Variants in SULF2 observed in about 807,000 individuals in gnomAD.
SULF2 encodes sulfatase 2.
SULF2 carries 52 observed loss-of-function variants against 107.7 expected under a neutral mutation model. That is an observed-to-expected ratio of 0.48 (90% CI 0.39 to 0.61). SULF2 has a LOEUF of 0.61. Among genes scored for constraint, SULF2 ranks in the 20% least tolerant of loss-of-function variants. The pLI is 0.00. For synonymous variants in SULF2, 460 were observed against 464.3 expected (o/e 0.99, Z 0.12); for missense variants, 993 against 1,177.3 (o/e 0.84, Z 2.29).
At chr20:47,703,789 T>G (rs1285114131) in intron 3 of SULF2, among the ~76,000 whole-genome samples, 1 of 152,268 alleles carries the variant, frequency 6.6e-6, no homozygotes, top group African/African-American at 2.4e-5. Flanking sequence ...GTAAAGAAAT[T>G]GTTGCATATT....
intron 1 of SULF2, among the ~76,000 whole-genome samples, chr20:47,763,985 T>C (rs932664026): frequency 1.6e-4 from 24 of 152,302 alleles, no homozygotes; most frequent in Admixed American, 1.5e-3. Context: ...CCTTATTGCC[T>C]TCCCCTCTCT....
rs1419260740 is a variant in SULF2 at position 47,757,230 on chromosome 20, T to C, written c.134A>G (p.Asn45Ser). The change falls in exon 2 of 21, where the codon AAC becomes AGC. Residue 45 changes from asparagine (N) to serine (S), a missense_variant. Transcript: ENST00000688720. ...GTCGTCCGTCAGCACCAGGATGATG[T>C]TGGGGCGGATGTTCCTGCGGTCCCT... The part of the protein sequence containing the change: ...FQRDRRNIRP[N>S]IILVLTDDQD... The C allele has an allele frequency of 6.4e-6, 10 of 1,564,922 alleles. 1 individual carries two copies. The South Asian group carries it at 8.2e-5, about 13-fold the overall frequency.
chr20:47,763,067 A>G (rs936464899), intron 1 of SULF2, among the ~76,000 whole-genome samples: 4 of 151,988 alleles, frequency 2.6e-5, no homozygotes, highest in African/African-American at 9.7e-5. Context: ...TAAAATATTC[A>G]AAGTGGCTGA....
At chr20:47,744,596 G>A (rs2089963700) in intron 2 of SULF2, among the ~76,000 whole-genome samples, 1 of 152,068 alleles carries the variant, frequency 6.6e-6, no homozygotes, top group Admixed American at 6.5e-5. Context: ...GCTTTCTATA[G>A]ATGACCGAAA....
At chr20:47,697,420 G>C (rs1434118059) in intron 4 of SULF2, among the ~76,000 whole-genome samples, 1 of 152,198 alleles carries the variant, frequency 6.6e-6, no homozygotes, top group Non-Finnish European at 1.5e-5. Flanking sequence ...CCCGCCCGAG[G>C]CCAGCAGTGA....
chr20:47,706,826 C>T (rs57160070), intron 3 of SULF2: 18,681 of 152,184 alleles, frequency 0.12, 1,255 homozygotes, highest in East Asian at 0.17. Context: ...CAAACCCAGC[C>T]TTCACCAGAT....
chr20:47,741,752 G>A (rs1236549620), intron 2 of SULF2, among the ~76,000 whole-genome samples: 1 of 152,170 alleles, frequency 6.6e-6, no homozygotes, highest in Non-Finnish European at 1.5e-5. Flanking sequence ...TCGGTCTCCA[G>A]ACCCTGCAGA....
At chr20:47,672,771 T>C (rs891491117) in intron 10 of SULF2, among the ~76,000 whole-genome samples, 1 of 152,178 alleles carries the variant, frequency 6.6e-6, no homozygotes, top group African/African-American at 2.4e-5. Context: ...AAGCTCCTGA[T>C]ACTAGTCTTT....
At position 47,677,117 on chromosome 20, in the gene SULF2, T is replaced by C. The variant is rs752328407; in HGVS notation, c.1211A>G (p.Lys404Arg). Reference protein sequence around the residue: ...RPVNRFHLKKKMRVWRDSFLV... With the variant: ...RPVNRFHLKKRMRVWRDSFLV... ...GAAGGAGTCCCGCCAGACCCTCATC[T>C]TCTTTTTCAAGTGAAACCTGGAAAA... Residue 404 changes from lysine to arginine, a missense_variant, in exon 9 of 21, where the codon AAG becomes AGG. Lys to Arg is a conservative substitution (Grantham distance 26, BLOSUM62 2). Transcript: ENST00000688720. 1.2e-6 allele frequency: 2 copies of C among 1,613,004 alleles called. No homozygotes were observed. The highest frequency in any genetic ancestry group is 8.5e-7 in the Non-Finnish European group (1 of 1,179,704).
At chr20:47,737,751 C>CTTTGT (rs1555850620) in intron 2 of SULF2, among the ~76,000 whole-genome samples, 1 of 95,024 alleles carries the variant, frequency 1.1e-5, no homozygotes, top group Non-Finnish European at 2.0e-5. Context: ...TCTTTCTTTT[C>CTTTGT]TTTGTTTTTT....
chr20:47,673,991 TG>T (rs1278036604), intron 10 of SULF2, among the ~76,000 whole-genome samples: 1 of 152,218 alleles, frequency 6.6e-6, no homozygotes, highest in Non-Finnish European at 1.5e-5. Flanking sequence ...CAAACTCAGC[TG>T]GGGCACGACT....
At chr20:47,703,558 G>GGT (rs1236136674) in intron 3 of SULF2, among the ~76,000 whole-genome samples, 1 of 152,202 alleles carries the variant, frequency 6.6e-6, no homozygotes. Flanking sequence ...CTCACACACT[G>GGT]AGTGGCTGCC....
chr20:47,658,000 C>A lies in SULF2; in HGVS notation c.*362G>T. On this transcript the variant is annotated 3_prime_UTR_variant, in exon 21 of 21. Transcript: ENST00000688720. Reference sequence around the variant, plus strand: ...CTTTTCCCCTATGATTTAAAAATTCCAATGACTTTCGCCCTTGGGAGAAAT... The same window carrying A: ...CTTTTCCCCTATGATTTAAAAATTCAAATGACTTTCGCCCTTGGGAGAAAT... 1 of 284,120 alleles carries A rather than the reference C, an allele frequency of 3.5e-6. No individual in the cohort carries two copies. Among genetic ancestry groups the A allele is most frequent in the Non-Finnish European group, 6.7e-6 (1 of 150,338 alleles). The allele number at this position is 284,120 out of a possible 1,614,324, so 17.6% of individuals were successfully genotyped here. A position where few individuals can be genotyped will look rare whatever the true frequency, so the allele number is the denominator to read the frequency against.
At chr20:47,758,683 G>A (rs903040714) in intron 1 of SULF2, among the ~76,000 whole-genome samples, 7 of 152,136 alleles carry the variant, frequency 4.6e-5, no homozygotes, top group East Asian at 1.9e-4. Flanking sequence ...TTTGCTCTCC[G>A]TGGTCATTTT....
intron 2 of SULF2, among the ~76,000 whole-genome samples, chr20:47,748,195 C>T (rs2090086894): frequency 6.6e-6 from 1 of 152,198 alleles, no homozygotes; most frequent in Admixed American, 6.5e-5. Context: ...CTTCCCCATC[C>T]TCCTCCCCTT....
chr20:47,710,781 T>TGC (rs1281405037), intron 3 of SULF2, among the ~76,000 whole-genome samples: 6 of 152,166 alleles, frequency 3.9e-5, no homozygotes, highest in Admixed American at 3.3e-4. Flanking sequence ...TCCTGCACCC[T>TGC]GCTTCGTGGC....
chr20:47,766,298 C>T (rs2090527093), intron 1 of SULF2, among the ~76,000 whole-genome samples: 1 of 152,238 alleles, frequency 6.6e-6, no homozygotes, highest in Non-Finnish European at 1.5e-5. Context: ...CTATGGGCCA[C>T]AGCTTCTCCC....
intron 1 of SULF2, among the ~76,000 whole-genome samples, chr20:47,769,528 C>T (rs2090589389): frequency 2.0e-5 from 3 of 152,134 alleles, no homozygotes; most frequent in African/African-American, 7.2e-5. Context: ...GGGCATCCCT[C>T]CACCAGAAGC....
At position 47,683,032 on chromosome 20, in the gene SULF2, C is replaced by T. The variant is rs200888317; in HGVS notation, c.1026G>A (p.Pro342=). ...CCACGTTGGGGCCCCTCACGTAGAA[C>T]GGGACCCTGATGTCAAACTCATATG... ...SMPYEFDIRV[P]FYVRGPNVEA... is the part of the protein sequence containing the mutation. Residue 342 remains proline (P), a synonymous_variant, in exon 7 of 21, where the codon CCG becomes CCA. Coordinates refer to ENST00000688720, the MANE Select transcript of SULF2 (RefSeq NM_001387048.1). 51 of 1,612,792 alleles carry T rather than the reference C, an allele frequency of 3.2e-5. No individual in the cohort carries two copies. Among genetic ancestry groups the T allele is most frequent in the African/African-American group, 6.7e-5 (5 of 74,902 alleles).
Sources: allele counts gnomAD v4.1 joint callset (sites outside exome capture counted in the v4.1 genomes callset), GRCh38; gene constraint gnomAD v4.1.1; transcripts MANE v1.5; gene names NCBI Gene and HGNC (gene_info 2026-07-23, HGNC 2026-07-21).